The following FHOD3 variants were observed in gnomAD, a reference collection of about 807,000 sequenced individuals.
FHOD3 encodes the protein FH1/FH2 domain-containing protein 3.
A neutral mutation model predicts 173.0 loss-of-function variants in FHOD3; 90 were observed. The observed-to-expected ratio is 0.52, with a 90% CI of 0.44 to 0.62. FHOD3 has a LOEUF of 0.62. Ranked by LOEUF, FHOD3 falls within the 20% of genes least tolerant of loss-of-function variation. The pLI, the probability that FHOD3 is intolerant of heterozygous loss-of-function variation, is 0.00. For missense variants in FHOD3, 1,945 were observed against 2,034.7 expected (o/e 0.96, Z 0.85); for synonymous variants, 828 against 823.0 (o/e 1.01, Z -0.10).
chr18:36,299,080 A>C (rs1210669950), intron 1 of FHOD3, among the ~76,000 whole-genome samples: 1 of 152,204 alleles, frequency 6.6e-6, no homozygotes, highest in Non-Finnish European at 1.5e-5. Context: ...TTTCTGTATG[A>C]TGTTGACCTG....
intron 4 of FHOD3, among the ~76,000 whole-genome samples, chr18:36,510,518 T>C (rs1266677446): frequency 6.6e-6 from 1 of 152,224 alleles, no homozygotes; most frequent in African/African-American, 2.4e-5. Flanking sequence ...TTCTCTGGTA[T>C]ATTAATATTA....
intron 15 of FHOD3, among the ~76,000 whole-genome samples, chr18:36,686,184 A>G (rs2038601886): frequency 6.6e-6 from 1 of 152,160 alleles, no homozygotes; most frequent in Non-Finnish European, 1.5e-5. Context: ...TCACAATAGT[A>G]AAGACATGGA....
At chr18:36,439,521 ATGTGTGTGTG>A (rs33931333) in intron 3 of FHOD3, among the ~76,000 whole-genome samples, 1,984 of 144,800 alleles carry the variant, frequency 0.014, 41 homozygotes, top group African/African-American at 0.044. Flanking sequence ...AACCAATAGA[ATGTGTGTGTG>A]TGTGTGTGTG....
chr18:36,487,002 C>T (rs969810438), intron 3 of FHOD3, among the ~76,000 whole-genome samples: 2 of 152,188 alleles, frequency 1.3e-5, no homozygotes, highest in Non-Finnish European at 2.9e-5. Flanking sequence ...CTGATTAGTG[C>T]ACCCTTGTAT....
At chr18:36,736,232 AACCCCTGAC>A (rs2041623273) in intron 20 of FHOD3, among the ~76,000 whole-genome samples, 1 of 152,206 alleles carries the variant, frequency 6.6e-6, no homozygotes, top group South Asian at 2.1e-4. Flanking sequence ...GAGTACCCGC[AACCCCTGAC>A]ACCCCACAGG....
At chr18:36,304,807 C>T (rs2092048340) in intron 1 of FHOD3, among the ~76,000 whole-genome samples, 2 of 152,166 alleles carry the variant, frequency 1.3e-5, no homozygotes, top group Admixed American at 1.3e-4. Flanking sequence ...TATTACTAAA[C>T]TGTGAAGTTG....
At chr18:36,567,147 G>A (rs1334348866) in intron 5 of FHOD3, among the ~76,000 whole-genome samples, 1 of 152,158 alleles carries the variant, frequency 6.6e-6, no homozygotes, top group African/African-American at 2.4e-5. Context: ...GAGGGGGAAG[G>A]GAAGTCAAAA....
At chr18:36,441,065 T>G (rs2090036) in intron 3 of FHOD3, among the ~76,000 whole-genome samples, 81,897 of 151,984 alleles carry the variant, frequency 0.54, 22,257 homozygotes, top group African/African-American at 0.56. Context: ...TGTAAGGTCA[T>G]TCTCTCTTAT....
At chr18:36,700,550 C>T (rs919493391) in intron 17 of FHOD3, among the ~76,000 whole-genome samples, 3 of 152,176 alleles carry the variant, frequency 2.0e-5, no homozygotes, top group African/African-American at 7.2e-5. Flanking sequence ...AATCAGCCCT[C>T]TTTCTTTTCT....
At chr18:36,430,194 C>T (rs572454537) in intron 3 of FHOD3, among the ~76,000 whole-genome samples, 1 of 152,300 alleles carries the variant, frequency 6.6e-6, no homozygotes, top group African/African-American at 2.4e-5. Flanking sequence ...CCATTTGCCA[C>T]AAGACTAGGG....
At chr18:36,717,129 G>C (rs1396489301) in intron 18 of FHOD3, among the ~76,000 whole-genome samples, 1 of 152,124 alleles carries the variant, frequency 6.6e-6, no homozygotes, top group East Asian at 1.9e-4. Flanking sequence ...GCAGGTGGGA[G>C]AGTAGAGGTG....
Position 36,439,521 on chromosome 18 carries a change from A to ATGTGTGTG in FHOD3, c.338-62371_338-62364dup, listed in dbSNP as rs33931333. On this transcript the variant is annotated intron_variant, in intron 3 of 28. Coordinates refer to ENST00000590592, the MANE Select transcript of FHOD3 (RefSeq NM_001281740.3). The stretch of plus-strand genomic sequence containing the variant: ...TCTCTGGAGAAACAAAACCAATAGA[A>ATGTGTGTG]TGTGTGTGTGTGTGTGTGTGTGTGT... 2.4e-3 allele frequency among the ~76,000 whole-genome samples: 345 copies of ATGTGTGTG among 144,812 alleles called. 1 individual carries two copies. Among genetic ancestry groups the ATGTGTGTG allele is most frequent in the Non-Finnish European group, 2.9e-3 (193 of 66,182 alleles).
intron 3 of FHOD3, among the ~76,000 whole-genome samples, chr18:36,493,374 G>A (rs985271630): frequency 1.6e-4 from 25 of 152,096 alleles, no homozygotes; most frequent in East Asian, 5.8e-4. Flanking sequence ...ACATCAGCAG[G>A]TAATAATGGA....
chr18:36,533,498 G>A (rs1161077874), intron 5 of FHOD3, among the ~76,000 whole-genome samples: 2 of 152,244 alleles, frequency 1.3e-5, no homozygotes, highest in African/African-American at 4.8e-5. Flanking sequence ...ATGGTGAGTT[G>A]TGGTGCTGTA....
chr18:36,546,906 A>G (rs969415922), intron 5 of FHOD3, among the ~76,000 whole-genome samples: 6 of 152,178 alleles, frequency 3.9e-5, no homozygotes, highest in African/African-American at 1.4e-4. Flanking sequence ...TTTATGGGGT[A>G]ATCAGCATAG....
intron 3 of FHOD3, among the ~76,000 whole-genome samples, chr18:36,426,033 C>T (rs9304159): frequency 0.82 from 124,738 of 151,618 alleles, 51,562 homozygotes; most frequent in East Asian, 0.93. Context: ...CCCTCCCCAG[C>T]AGCTGGGACT....
chr18:36,677,519 A>T (rs1263817796), intron 14 of FHOD3, among the ~76,000 whole-genome samples: 5 of 152,172 alleles, frequency 3.3e-5, no homozygotes, highest in African/African-American at 9.7e-5. Context: ...TTCCCCACAG[A>T]TGTGTAATAA....
chr18:36,404,072 C>T (rs10164050), intron 3 of FHOD3, among the ~76,000 whole-genome samples: 40 of 152,210 alleles, frequency 2.6e-4, no homozygotes, highest in African/African-American at 8.4e-4. Context: ...AGGTAACTTA[C>T]GTTCTCCTCT....
chr18:36,309,769 T>C (rs376924868), intron 1 of FHOD3, among the ~76,000 whole-genome samples: 2 of 148,124 alleles, frequency 1.4e-5, no homozygotes, highest in African/African-American at 2.4e-5. Context: ...ATACGAGTGG[T>C]TTTTTGTTCC....
Sources: allele counts gnomAD v4.1 joint callset (sites outside exome capture counted in the v4.1 genomes callset), GRCh38; gene constraint gnomAD v4.1.1; transcripts MANE v1.5; gene names NCBI Gene and HGNC (gene_info 2026-07-23, HGNC 2026-07-21).